CCDC7: variants seen among roughly 807,000 people sequenced by gnomAD.
CCDC7 encodes coiled-coil domain containing 7.
In CCDC7, 183 loss-of-function variants were observed where a neutral mutation model predicts 196.9. The ratio of observed to expected loss-of-function variants is 0.93; its 90% CI spans 0.82 to 1.05. The LOEUF (loss-of-function observed/expected upper bound fraction) is 1.05, where lower values mean the gene tolerates loss of function less well. Ranked by LOEUF, CCDC7 falls within the 50% of genes least tolerant of loss-of-function variation. The probability of loss-of-function intolerance (pLI) is 0.00; values close to 1 mark genes in which losing one functional copy is unlikely to be tolerated. For missense variants in CCDC7, 1,540 were observed against 1,482.2 expected (o/e 1.04, Z -0.64); for synonymous variants, 525 against 484.6 (o/e 1.08, Z -1.10).
At chr10:32,732,432 T>G (rs1592147743) in intron 28 of CCDC7, among the ~76,000 whole-genome samples, 2 of 152,170 alleles carry the variant, frequency 1.3e-5, no homozygotes. Flanking sequence ...TTCTCCATTG[T>G]CGTTGATTAA....
intron 33 of CCDC7, among the ~76,000 whole-genome samples, chr10:32,841,420 C>T (rs1282325000): frequency 1.3e-5 from 2 of 150,848 alleles, no homozygotes; most frequent in South Asian, 2.1e-4. Flanking sequence ...AACAAACAAA[C>T]AAAAAACAAA....
At chr10:32,682,256 T>G (rs1453399832) in intron 21 of CCDC7, among the ~76,000 whole-genome samples, 2 of 152,198 alleles carry the variant, frequency 1.3e-5, no homozygotes, top group Non-Finnish European at 2.9e-5. Flanking sequence ...TGTACCCACT[T>G]ACAAGAGAGA....
chr10:32,551,922 TAAGGTATAGTTTA>T (rs202054582), intron 13 of CCDC7, among the ~76,000 whole-genome samples: 11,459 of 152,208 alleles, frequency 0.075, 512 homozygotes, highest in East Asian at 0.16. Flanking sequence ...CCATTTGTTC[TAAGGTATAGTTTA>T]AATCCACTGT....
intron 11 of CCDC7, among the ~76,000 whole-genome samples, chr10:32,541,255 CCT>C (rs1157623862): frequency 6.6e-6 from 1 of 151,996 alleles, no homozygotes; most frequent in African/African-American, 2.4e-5. Context: ...GGCGAGGATG[CCT>C]GCTCTATAGT....
intron 20 of CCDC7, among the ~76,000 whole-genome samples, chr10:32,647,533 C>A (rs1324398582): frequency 6.6e-6 from 1 of 152,186 alleles, no homozygotes; most frequent in African/African-American, 2.4e-5. Flanking sequence ...GCCATTCTGA[C>A]TGGTGTGAGA....
chr10:32,474,437 A>G (rs112123543), intron 8 of CCDC7, among the ~76,000 whole-genome samples: 14,277 of 150,576 alleles, frequency 0.095, 898 homozygotes, highest in East Asian at 0.33. Context: ...GAGTTTCACC[A>G]TGTTGGCCAG....
At chr10:32,572,489 A>T (rs2137105164) in intron 16 of CCDC7, among the ~76,000 whole-genome samples, 1 of 152,292 alleles carries the variant, frequency 6.6e-6, no homozygotes, top group Non-Finnish European at 1.5e-5. Flanking sequence ...ATATTTATGG[A>T]TTATAGACCC....
At chr10:32,692,982 A>G (rs2077263300) in intron 23 of CCDC7, among the ~76,000 whole-genome samples, 2 of 152,134 alleles carry the variant, frequency 1.3e-5, no homozygotes, top group South Asian at 4.1e-4. Context: ...TCCCTATTCT[A>G]ATTCCTCTCA....
chr10:32,618,475 C>T (rs111255226), intron 18 of CCDC7, among the ~76,000 whole-genome samples: 11 of 152,072 alleles, frequency 7.2e-5, no homozygotes, highest in African/African-American at 2.4e-4. Context: ...TCAGCATTTT[C>T]GGCAAGACCA....
At chr10:32,720,917 C>T (rs114176306) in intron 25 of CCDC7, among the ~76,000 whole-genome samples, 4,265 of 152,094 alleles carry the variant, frequency 0.028, 217 homozygotes, top group African/African-American at 0.097. Flanking sequence ...CATGGCAAAA[C>T]CCTGTGTCTA....
intron 28 of CCDC7, among the ~76,000 whole-genome samples, chr10:32,764,935 A>T (rs1288553323): frequency 6.6e-6 from 1 of 152,100 alleles, no homozygotes; most frequent in African/African-American, 2.4e-5. Context: ...CTGACTTGAG[A>T]TATCTATGGC....
At chr10:32,586,475 C>G (rs762646418) in intron 18 of CCDC7, among the ~76,000 whole-genome samples, 1 of 152,078 alleles carries the variant, frequency 6.6e-6, no homozygotes, top group Non-Finnish European at 1.5e-5. Context: ...GTGATATTGC[C>G]TAGGTTTTCT....
intron 11 of CCDC7, among the ~76,000 whole-genome samples, chr10:32,520,978 C>G (rs1011481160): frequency 6.6e-6 from 1 of 152,066 alleles, no homozygotes; most frequent in African/African-American, 2.4e-5. Context: ...AAGAGACTGT[C>G]TTTTCCCCCA....
intron 30 of CCDC7, among the ~76,000 whole-genome samples, chr10:32,812,680 T>C (rs762119887): frequency 2.0e-5 from 3 of 152,200 alleles, no homozygotes; most frequent in South Asian, 4.1e-4. Flanking sequence ...AGGGAGGATA[T>C]TGTGAAGGAG....
intron 28 of CCDC7, among the ~76,000 whole-genome samples, chr10:32,741,211 G>A (rs1358301144): frequency 6.6e-6 from 1 of 152,050 alleles, no homozygotes; most frequent in Admixed American, 6.5e-5. Flanking sequence ...GCAACTTACA[G>A]AATGGCTTTA....
chr10:32,455,601 G>A (rs2133451304), intron 2 of CCDC7, among the ~76,000 whole-genome samples: 1 of 152,274 alleles, frequency 6.6e-6, no homozygotes, highest in Admixed American at 6.5e-5. Flanking sequence ...ACAGGTGTGA[G>A]CCACCGCGCC....
Sources: gnomAD v4.1 joint callset for allele counts (sites outside exome capture counted in the v4.1 genomes callset) on GRCh38, gnomAD v4.1.1 for gene constraint, MANE v1.5 for transcripts, NCBI Gene and HGNC (gene_info 2026-07-23, HGNC 2026-07-21) for gene names.